Variants in NBEAL2 observed in about 807,000 individuals in gnomAD.
The protein encoded by NBEAL2 is neurobeachin-like protein 2.
Under a neutral mutation model 299.8 loss-of-function variants are expected in NBEAL2, and 160 were observed. The observed-to-expected ratio is 0.53, with a 90% CI of 0.47 to 0.61. NBEAL2 has a LOEUF of 0.61. Ranked by LOEUF, NBEAL2 falls within the 20% of genes least tolerant of loss-of-function variation. The pLI is 0.00. For missense variants in NBEAL2, 3,112 were observed against 3,649.0 expected, an observed-to-expected ratio of 0.85 and a Z score of 3.79; for synonymous variants, 1,493 against 1,542.3, an observed-to-expected ratio of 0.97 and a Z score of 0.75.
Position 47,004,471 on chromosome 3 carries a change from C to T in NBEAL2, c.6199-24C>T. 5.6e-6 allele frequency: 9 copies of T among 1,610,836 alleles called. No homozygotes were observed. Among genetic ancestry groups the T allele is most frequent in the Non-Finnish European group, 7.6e-6 (9 of 1,177,632 alleles). On this transcript the variant is annotated intron_variant, in intron 37 of 53. Coordinates refer to ENST00000450053, the MANE Select transcript of NBEAL2 (RefSeq NM_015175.3). This position sits in a 1 kb window ranked among gnomAD's most constrained non-coding sequence, Gnocchi z 5.0. ...AGTGCTGGACAGCCCACCTGGCTCA[C>T]ATCTTGTCTGCCCCTGTCCCCAGAA... is the stretch of plus-strand genomic sequence containing the variant.
At position 47,009,325 on chromosome 3, in the gene NBEAL2, GGCCAGTCC is replaced by G; in HGVS notation, c.*7_*14del. The G allele has an allele frequency of 6.3e-7, 1 of 1,581,052 alleles. No homozygotes were observed. The highest frequency in any genetic ancestry group is 8.6e-7 in the Non-Finnish European group (1 of 1,164,140). On this transcript the variant is annotated 3_prime_UTR_variant, in exon 54 of 54. Transcript: ENST00000450053. ...AACCCTACTGAGGCGCGCTGAACCT[GGCCAGTCC>G]GGCTGCTCGGGCCCCGCCCCCGGCA...
rs1362825047 is a variant in NBEAL2 at position 46,994,571 on chromosome 3, G to C, written c.1296+18G>C. The C allele has an allele frequency of 6.4e-7, 1 of 1,559,608 alleles. No homozygotes were observed. The highest frequency in any genetic ancestry group is 8.7e-7 in the Non-Finnish European group (1 of 1,150,062). On this transcript the variant is annotated intron_variant, in intron 12 of 53. Transcript: ENST00000450053. Reference sequence around the variant, plus strand: ...TCAACATGGTGAGGGAAGGGGCTTGGGACCAGGGTCCCAAAGGCAACCAGA... The same window carrying C: ...TCAACATGGTGAGGGAAGGGGCTTGCGACCAGGGTCCCAAAGGCAACCAGA...
Position 46,996,465 on chromosome 3 carries a change from C to A in NBEAL2, c.2346C>A (p.Asp782Glu), listed in dbSNP as rs879057773. The change falls in exon 16 of 54, where the codon GAC becomes GAA. Residue 782 changes from aspartate (D) to glutamate (E), a missense_variant. Transcript: ENST00000450053. ...LVAPLQEGSI[D>E]STLAGTQDTR... ...CCCCCCTGCAGGAGGGCAGCATCGA[C>A]TCTACCCTCGCAGGCACCCAGGACA... 1.9e-6 allele frequency: 3 copies of A among 1,603,000 alleles called. No individual in the cohort carries two copies. The highest frequency in any genetic ancestry group is 4.5e-5 in the East Asian group (2 of 44,568).
Position 46,992,536 on chromosome 3 carries a change from C to T in NBEAL2, c.1094C>T (p.Thr365Ile). The T allele has an allele frequency of 1.9e-6, 3 of 1,600,528 alleles. No individual in the cohort carries two copies. The highest frequency in any genetic ancestry group is 2.3e-5 in the South Asian group (2 of 88,406). ...GDSDLATRLLTEPDVQKVLDQ... is the reference protein window; with the variant it reads ...GDSDLATRLLIEPDVQKVLDQ... ...AGTGACCTGGCTACCCGGTTACTGACTGAGCCCGATGTCCAAAAGGTACCA... is the reference window on the plus strand; with the variant it reads ...AGTGACCTGGCTACCCGGTTACTGATTGAGCCCGATGTCCAAAAGGTACCA... Residue 365 changes from threonine to isoleucine, a missense_variant, in exon 10 of 54, where the codon ACT becomes ATT. Coordinates refer to ENST00000450053, the MANE Select transcript of NBEAL2 (RefSeq NM_015175.3).
At position 47,008,433 on chromosome 3, in the gene NBEAL2, G is replaced by C. The variant is rs762226210; in HGVS notation, c.7870G>C (p.Gly2624Arg). 1 of 1,612,216 alleles carries C rather than the reference G, an allele frequency of 6.2e-7. No homozygotes were observed. The part of the protein sequence containing the change: ...VVQSSAWERP[G>R]AQVTYSLHLY... The stretch of plus-strand genomic sequence containing the variant: ...ACAGAGCTCAGCGTGGGAACGTCCT[G>C]GGGCCCAGGTATGGGGAAGGGGTGC... Residue 2624 changes from glycine to arginine, a missense_variant, in exon 51 of 54, where the codon GGG (glycine) becomes CGG (arginine). Physicochemically the swap from Gly to Arg is moderately radical, Grantham distance 125. This residue lies in a region of NBEAL2 where 348 missense variants were observed against 381.4 expected (regional missense o/e 0.91). Transcript: ENST00000450053.
intron 47 of NBEAL2, 33 bp from the exon 48 acceptor site, chr3:47,007,492 T>C (rs1181924631): frequency 7.5e-6 from 12 of 1,594,428 alleles, no homozygotes; most frequent in Non-Finnish European, 1.0e-5. Context: ...CCATGTGGCC[T>C]GGCCTCACTT....
In NBEAL2 at chr3:46,996,832, A is replaced by G. The variant is rs2036539221; in HGVS notation, c.2555A>G (p.Gln852Arg). The G allele has an allele frequency of 1.2e-6, 2 of 1,612,336 alleles. No homozygotes were observed. Among genetic ancestry groups the G allele is most frequent in the Non-Finnish European group, 8.5e-7 (1 of 1,179,714 alleles). The change falls in exon 17 of 54, where the codon CAG (glutamine) becomes CGG (arginine). Residue 852 changes from glutamine (Q) to arginine (R), a missense_variant and splice_region_variant. Around this residue, in one of 3 missense-constraint regions of NBEAL2, gnomAD observed 2,243 missense variants for 2,538.1 expected, o/e 0.88. Transcript: ENST00000450053. ...AGGCTGCTCCTCCATTACTCACCTC[A>G]GGTATTTGGGGGCCCCAGGGGAGTG... The part of the protein sequence containing the change: ...STRLLLHYSP[Q>R]ACKNNICLDL...
chr3:47,009,192 A>G (rs761811332), intron 53 of NBEAL2, 27 bp from the exon 54 acceptor site: 1 of 1,574,022 alleles, frequency 6.4e-7, no homozygotes, highest in Admixed American at 1.8e-5. Flanking sequence ...ATCCCAGCTG[A>G]TCCTACTCAA....
rs775584733 is a variant in NBEAL2, at chr3:46,995,380, G to A, written c.1645G>A (p.Gly549Arg). The part of the protein sequence containing the change: ...PRPGLDSEPG[G>R]AEAGKARHAG... ...GCCAGGATTGGACTCGGAACCAGGC[G>A]GAGCTGAGGCTGGAAAGGCCCGACA... Residue 549 changes from glycine to arginine, a missense_variant, in exon 13 of 54, where the codon GGA becomes AGA. This residue lies in a region of NBEAL2 where 2,243 missense variants were observed against 2,538.1 expected (regional missense o/e 0.88). Transcript: ENST00000450053. 12 of 1,612,460 alleles carry A rather than the reference G, an allele frequency of 7.4e-6. No homozygotes were observed. The African/African-American group carries it at 9.3e-5, about 13-fold the overall frequency.
At position 46,982,362 on chromosome 3, in the gene NBEAL2, G is replaced by C. The variant is rs1004357231; in HGVS notation, c.51+2450G>C. 2.0e-5 allele frequency among the ~76,000 whole-genome samples: 3 copies of C among 152,102 alleles called. No individual in the cohort carries two copies. Among genetic ancestry groups the C allele is most frequent in the Non-Finnish European group, 4.4e-5 (3 of 68,006 alleles). On this transcript the variant is annotated intron_variant, in intron 1 of 53. Transcript: ENST00000450053. This position sits in a 1 kb window ranked among gnomAD's most constrained non-coding sequence, Gnocchi z 4.2. ...AACCTGTTTCCCCAGTTGTGGGTCT[G>C]GGTGGGGATGGAGAGGGGGGAGTAA...
In NBEAL2 at chr3:46,988,170, C is replaced by A; in HGVS notation, c.52-499C>A. ...CTGGGTCTGCCTGTCTAATGGTACA[C>A]GTGTGTCCTGGGATCCACAGTTAAA... On this transcript the variant is annotated intron_variant, in intron 1 of 53. Transcript: ENST00000450053. This position sits in a 1 kb window ranked among gnomAD's most constrained non-coding sequence, Gnocchi z 4.4. 1.1e-6 allele frequency: 1 copy of A among 928,612 alleles called. No homozygotes were observed. The highest frequency in any genetic ancestry group is 1.4e-6 in the Non-Finnish European group (1 of 712,376). 57.5% of individuals were successfully genotyped at this position (928,612 alleles called of 1,614,324 possible).
Position 47,009,474 on chromosome 3 carries a change from C to A in NBEAL2, c.*154C>A, listed in dbSNP as rs561982419. ...TCAGGGATTGGCGGGCGATGTTACCCCCTCAGGGATTGGCGGGCGGAAGTC... is the reference window on the plus strand; with the variant it reads ...TCAGGGATTGGCGGGCGATGTTACCACCTCAGGGATTGGCGGGCGGAAGTC... On this transcript the variant is annotated 3_prime_UTR_variant, in exon 54 of 54. Coordinates refer to ENST00000450053, the MANE Select transcript of NBEAL2 (RefSeq NM_015175.3). 2 of 749,542 alleles carry A rather than the reference C, an allele frequency of 2.7e-6. No individual in the cohort carries two copies. Among genetic ancestry groups the A allele is most frequent in the African/African-American group, 1.8e-5 (1 of 55,334 alleles). The allele number at this position is 749,542 out of a possible 1,614,324, so 46.4% of individuals were successfully genotyped here.
intron 1 of NBEAL2, among the ~76,000 whole-genome samples, chr3:46,981,700 A>C (rs1337669019): frequency 6.6e-6 from 1 of 152,130 alleles, no homozygotes; most frequent in Non-Finnish European, 1.5e-5. Context: ...GTGCATGGGC[A>C]GGTAAAGGGG....
rs114879237 is a variant in NBEAL2, at chr3:46,999,537, G to A, written c.3703+63G>A. On this transcript the variant is annotated intron_variant, in intron 25 of 53. Coordinates refer to ENST00000450053, the MANE Select transcript of NBEAL2 (RefSeq NM_015175.3). The stretch of plus-strand genomic sequence containing the variant: ...GTCAGAAAAACAGGGCAGGCAGGCC[G>A]GAAGAAGGAAGATAGTGGCATAGGG... 2.2e-3 allele frequency: 3,447 copies of A among 1,585,738 alleles called. 18 individuals carry two copies. The highest frequency in any genetic ancestry group is 0.012 in the African/African-American group (879 of 74,030).
Position 46,997,541 on chromosome 3 carries a change from C to G in NBEAL2, c.2825-20C>G. ...GGCAGGCCCTTGACACACATCTGTC[C>G]CCTTCCTGATGGCTGGCAGAGGAAC... is the stretch of plus-strand genomic sequence containing the variant. On this transcript the variant is annotated intron_variant, in intron 19 of 53. Transcript: ENST00000450053. The G allele has an allele frequency of 6.3e-7, 1 of 1,585,144 alleles. No individual in the cohort carries two copies. The highest frequency in any genetic ancestry group is 1.1e-5 in the South Asian group (1 of 88,366).
Position 46,989,905 on chromosome 3 carries a change from C to T in NBEAL2, c.556+312C>T, listed in dbSNP as rs2035965694. 6.6e-6 allele frequency among the ~76,000 whole-genome samples: 1 copy of T among 152,114 alleles called. No individual in the cohort carries two copies. Among genetic ancestry groups the T allele is most frequent in the Non-Finnish European group, 1.5e-5 (1 of 68,008 alleles). On this transcript the variant is annotated intron_variant, in intron 6 of 53. Coordinates refer to ENST00000450053, the MANE Select transcript of NBEAL2 (RefSeq NM_015175.3). The surrounding 1 kb of genome is among the most constrained non-coding windows in gnomAD (Gnocchi z 5.5). ...GATCTTAAAACTCTCTGGTCCAATC[C>T]CTTTGTCCCCATAGCCTCCACGCAT...
Position 47,009,086 on chromosome 3 carries a change from G to A in NBEAL2, c.8125G>A (p.Gly2709Ser). ...CCACGTGCTGGTGGGCCTGGAGGAT[G>A]GCAAGCTCATCGTGGTGGTCGCGGG... Reference protein sequence around the residue: ...RSHVLVGLEDGKLIVVVAGQP... With the variant: ...RSHVLVGLEDSKLIVVVAGQP... Residue 2709 changes from glycine (G) to serine (S), a missense_variant, in exon 53 of 54, where the codon GGC becomes AGC. By Grantham distance (56) the Gly-to-Ser change is moderately conservative. Coordinates refer to ENST00000450053, the MANE Select transcript of NBEAL2 (RefSeq NM_015175.3). 1 of 1,601,902 alleles carries A rather than the reference G, an allele frequency of 6.2e-7. No individual in the cohort carries two copies. The highest frequency in any genetic ancestry group is 8.5e-7 in the Non-Finnish European group (1 of 1,179,286).
chr3:47,004,458 C>A lies in NBEAL2; in HGVS notation c.6199-37C>A. On this transcript the variant is annotated intron_variant, in intron 37 of 53. Transcript: ENST00000450053. This position sits in a 1 kb window ranked among gnomAD's most constrained non-coding sequence, Gnocchi z 5.0. ...TGAATCACGGGGCAGTGCTGGACAG[C>A]CCACCTGGCTCACATCTTGTCTGCC... is the stretch of plus-strand genomic sequence containing the variant. The A allele has an allele frequency of 6.2e-7, 1 of 1,606,916 alleles. No homozygotes were observed. The highest frequency in any genetic ancestry group is 1.7e-5 in the Admixed American group (1 of 59,766).
Position 46,999,107 on chromosome 3 carries a change from G to C in NBEAL2, c.3533G>C (p.Arg1178Pro). 1 of 1,579,700 alleles carries C rather than the reference G, an allele frequency of 6.3e-7. No homozygotes were observed. The highest frequency in any genetic ancestry group is 8.6e-7 in the Non-Finnish European group (1 of 1,162,950). The part of the protein sequence containing the change: ...RPGSLPLLPD[R>P]VCKILRRLQQ... ...GGGTCACTGCCCCTGCTGCCCGATC[G>C]AGTCTGCAAGGTACACCCAGCCCAC... The change falls in exon 24 of 54, where the codon CGA becomes CCA. Residue 1178 changes from arginine (R) to proline (P), a missense_variant. Around this residue, in one of 3 missense-constraint regions of NBEAL2, gnomAD observed 2,243 missense variants for 2,538.1 expected, o/e 0.88. Transcript: ENST00000450053.
Sources: allele counts gnomAD v4.1 joint callset (sites outside exome capture counted in the v4.1 genomes callset), GRCh38; gene constraint gnomAD v4.1.1; regional missense constraint gnomAD v4.1.1; non-coding constraint Gnocchi (gnomAD v3.1); transcripts MANE v1.5; gene names NCBI Gene and HGNC (gene_info 2026-07-23, HGNC 2026-07-21).